MROH9: variants seen among roughly 807,000 people sequenced by gnomAD.
MROH9 encodes the protein maestro heat-like repeat-containing protein family member 9.
MROH9 carries 92 observed loss-of-function variants against 98.2 expected under a neutral mutation model. The ratio of observed to expected loss-of-function variants is 0.94; its 90% CI spans 0.79 to 1.11. The LOEUF (loss-of-function observed/expected upper bound fraction) is 1.11. MROH9 is among the 50% of genes most tolerant of loss of function. The pLI, the probability that MROH9 is intolerant of heterozygous loss-of-function variation, is 0.00. For synonymous variants in MROH9, 397 were observed against 368.9 expected (o/e 1.08, Z -0.87); for missense variants, 1,057 against 1,014.8 (o/e 1.04, Z -0.57).
chr1:170,960,321 A>G (rs1649971149), intron 5 of MROH9, among the ~76,000 whole-genome samples: 1 of 152,212 alleles, frequency 6.6e-6, no homozygotes, highest in African/African-American at 2.4e-5. Context: ...ATACCCAGAG[A>G]TACTTTTACT....
At chr1:170,979,549 G>A (rs1364158334) in intron 8 of MROH9, among the ~76,000 whole-genome samples, 1 of 152,142 alleles carries the variant, frequency 6.6e-6, no homozygotes, top group Admixed American at 6.5e-5. Context: ...AGAACTATAT[G>A]TAAAATCTAA....
chr1:171,014,233 CAT>C lies in MROH9; in HGVS notation c.1714_1715del (p.Met572ValfsTer6), dbSNP rs1364024464. 11 of 1,551,064 alleles carry C rather than the reference CAT, an allele frequency of 7.1e-6. No individual in the cohort carries two copies. The highest frequency in any genetic ancestry group is 1.7e-4 in the Middle Eastern group (1 of 5,964). ...SRLILHRIVHMSPIINKTENV... is the reference protein window; with the variant it reads ...SRLILHRIVHXSPIINKTENV... ...GACTGATCCTTCATAGAATTGTCCACATGTCACCAATTATCAATAAGGTATGT... is the reference window on the plus strand; with the variant it reads ...GACTGATCCTTCATAGAATTGTCCACGTCACCAATTATCAATAAGGTATGT... On this transcript the variant is annotated frameshift_variant, in exon 16 of 22. Coordinates refer to ENST00000367759, the MANE Select transcript of MROH9 (RefSeq NM_001163629.2). LOFTEE classifies it high-confidence loss of function.
At position 170,996,562 on chromosome 1, in the gene MROH9, G is replaced by C. The variant is rs767934547; in HGVS notation, c.1393G>C (p.Asp465His). Reference protein sequence around the residue: ...LLNCSGLQQVDITLMKENFWD... With the variant: ...LLNCSGLQQVHITLMKENFWD... ...GAATTGTTCTGGACTGCAACAGGTG[G>C]ATATTACTCTAATGAAGGAGAATTT... Residue 465 changes from aspartate (D) to histidine (H), a missense_variant, in exon 14 of 22, where the codon GAT becomes CAT. Transcript: ENST00000367759. 2 of 1,613,584 alleles carry C rather than the reference G, an allele frequency of 1.2e-6. No individual in the cohort carries two copies. The highest frequency in any genetic ancestry group is 1.7e-6 in the Non-Finnish European group (2 of 1,179,660).
At chr1:171,055,689 G>C (rs1318532280) in intron 20 of MROH9, among the ~76,000 whole-genome samples, 1 of 151,692 alleles carries the variant, frequency 6.6e-6, no homozygotes, top group Non-Finnish European at 1.5e-5. Context: ...GAAGGGATGA[G>C]GGATAAAAGA....
chr1:171,054,289 C>T (rs1000044245), intron 20 of MROH9, among the ~76,000 whole-genome samples: 9 of 152,150 alleles, frequency 5.9e-5, no homozygotes, highest in Admixed American at 6.5e-5. Context: ...ATATGACACC[C>T]TATTCAACAA....
At chr1:171,040,457 T>A (rs2101857655) in intron 20 of MROH9, among the ~76,000 whole-genome samples, 1 of 152,280 alleles carries the variant, frequency 6.6e-6, no homozygotes, top group South Asian at 2.1e-4. Context: ...AGATGATAGA[T>A]ACGTTAACTT....
intron 15 of MROH9, among the ~76,000 whole-genome samples, chr1:171,013,241 C>T (rs1043519975): frequency 1.3e-5 from 2 of 152,214 alleles, no homozygotes; most frequent in Admixed American, 6.5e-5. Context: ...GGGCCACATA[C>T]TGGTACCAGT....
chr1:170,985,658 T>A (rs986186599), intron 9 of MROH9, among the ~76,000 whole-genome samples: 1 of 152,200 alleles, frequency 6.6e-6, no homozygotes, highest in Non-Finnish European at 1.5e-5. Flanking sequence ...CAATATTTTT[T>A]AAAAATCCAG....
chr1:171,013,258 C>T (rs1652219502), intron 15 of MROH9, among the ~76,000 whole-genome samples: 1 of 152,176 alleles, frequency 6.6e-6, no homozygotes, highest in Non-Finnish European at 1.5e-5. Flanking sequence ...CAGTCTATAG[C>T]CTGTTTGGAA....
intron 8 of MROH9, among the ~76,000 whole-genome samples, chr1:170,974,542 A>G (rs1055127587): frequency 6.6e-6 from 1 of 152,088 alleles, no homozygotes; most frequent in African/African-American, 2.4e-5. Context: ...AAAAAAGTCA[A>G]TCTAGAATCC....
intron 7 of MROH9, among the ~76,000 whole-genome samples, chr1:170,966,408 TC>T (rs368748379): frequency 1.4e-4 from 22 of 152,250 alleles, no homozygotes; most frequent in African/African-American, 5.3e-4. Flanking sequence ...AACTCATCCT[TC>T]ACAGCGATTT....
At chr1:170,982,434 G>A (rs529313542) in intron 8 of MROH9, among the ~76,000 whole-genome samples, 2 of 152,140 alleles carry the variant, frequency 1.3e-5, no homozygotes. Context: ...TGGATAAGTG[G>A]TTGCCTTGGA....
At chr1:170,964,914 A>G (rs916224413) in intron 6 of MROH9, among the ~76,000 whole-genome samples, 12 of 152,080 alleles carry the variant, frequency 7.9e-5, no homozygotes, top group African/African-American at 2.9e-4. Flanking sequence ...TATAGTGGAT[A>G]TTAGTAAATA....
chr1:171,055,899 AG>A (rs1310583647), intron 20 of MROH9, among the ~76,000 whole-genome samples: 3 of 152,150 alleles, frequency 2.0e-5, no homozygotes, highest in African/African-American at 7.2e-5. Context: ...CCCATCTGGG[AG>A]CCAGACGAGC....
Position 170,961,949 on chromosome 1 carries a change from A to C in MROH9, c.348A>C (p.Lys116Asn), listed in dbSNP as rs1487659961. The C allele has an allele frequency of 1.9e-6, 3 of 1,538,786 alleles. No individual in the cohort carries two copies. The highest frequency in any genetic ancestry group is 2.6e-6 in the Non-Finnish European group (3 of 1,136,448). ...YENILTSLVSKDLYKLQILKE... is the reference protein window; with the variant it reads ...YENILTSLVSNDLYKLQILKE... ...ACATTCTTACGAGCTTGGTGTCTAA[A>C]GACCTCTACAAACTACAGATCTTAA... Residue 116 changes from lysine to asparagine, a missense_variant, in exon 6 of 22, where the codon AAA becomes AAC. Lys to Asn is a moderately conservative substitution (Grantham distance 94, BLOSUM62 0). Coordinates refer to ENST00000367759, the MANE Select transcript of MROH9 (RefSeq NM_001163629.2).
chr1:171,001,760 G>T (rs1266588513), intron 15 of MROH9, among the ~76,000 whole-genome samples: 2 of 152,078 alleles, frequency 1.3e-5, no homozygotes, highest in Non-Finnish European at 2.9e-5. Flanking sequence ...AAGTCCATTT[G>T]TTCCAATGTA....
intron 3 of MROH9, among the ~76,000 whole-genome samples, chr1:170,955,165 G>T (rs1302070654): frequency 1.3e-5 from 2 of 152,012 alleles, no homozygotes; most frequent in South Asian, 4.1e-4. Flanking sequence ...TGGCTGAGTA[G>T]TATTCCATTT....
At chr1:171,003,808 G>A (rs1651861392) in intron 15 of MROH9, among the ~76,000 whole-genome samples, 1 of 152,116 alleles carries the variant, frequency 6.6e-6, no homozygotes, top group South Asian at 2.1e-4. Flanking sequence ...GAACTCCCAA[G>A]ATTATATGCC....
At chr1:170,948,881 G>A (rs963525078) in intron 3 of MROH9, among the ~76,000 whole-genome samples, 4 of 152,036 alleles carry the variant, frequency 2.6e-5, no homozygotes, top group African/African-American at 4.8e-5. Flanking sequence ...AGCAACATAC[G>A]TTTGTAGAAT....
Sources: allele counts gnomAD v4.1 joint callset (sites outside exome capture counted in the v4.1 genomes callset), GRCh38; gene constraint gnomAD v4.1.1; transcripts MANE v1.5; gene names NCBI Gene and HGNC (gene_info 2026-07-23, HGNC 2026-07-21).